Variants in TNFAIP1 observed in about 807,000 individuals in gnomAD.
TNFAIP1 encodes the protein BTB/POZ domain-containing adapter for CUL3-mediated RhoA degradation protein 2.
TNFAIP1 carries 20 observed loss-of-function variants against 32.6 expected under a neutral mutation model. The observed-to-expected ratio is 0.61, with a 90% CI of 0.43 to 0.89. TNFAIP1 has a LOEUF of 0.89. Ranked by LOEUF, TNFAIP1 falls within the 40% of genes least tolerant of loss-of-function variation. TNFAIP1 has a pLI of 0.00. For synonymous variants in TNFAIP1, 166 were observed against 166.8 expected (o/e 1.00, Z 0.04); for missense variants, 319 against 425.1 (o/e 0.75, Z 2.20).
In TNFAIP1 at chr17:28,344,701, T is replaced by TAGCA; in HGVS notation, c.*102_*105dup. ...GCTGCTGCTGCCTGGGTCTCTGCTC[T>TAGCA]AGCACCCAGAGGCATGACAGGCCCT... On this transcript the variant is annotated 3_prime_UTR_variant, in exon 7 of 7. Transcript: ENST00000226225. 8.2e-7 allele frequency: 1 copy of TAGCA among 1,223,150 alleles called. No homozygotes were observed. Among genetic ancestry groups the TAGCA allele is most frequent in the Non-Finnish European group, 1.2e-6 (1 of 856,144 alleles). 75.8% of individuals were successfully genotyped at this position (1,223,150 alleles called of 1,614,324 possible).
At chr17:28,341,510 T>C in intron 5 of TNFAIP1, 54 bp downstream of exon 5, 1 of 1,584,440 alleles carries the variant, frequency 6.3e-7, no homozygotes, top group Non-Finnish European at 8.7e-7. Flanking sequence ...CAAGGAGTAC[T>C]GCCTGTACTC....
chr17:28,337,599 C>T (rs1907222968), intron 1 of TNFAIP1, among the ~76,000 whole-genome samples: 1 of 152,144 alleles, frequency 6.6e-6, no homozygotes, highest in South Asian at 2.1e-4. Flanking sequence ...AACTCCTGGG[C>T]TCAAGCAATC....
intron 2 of TNFAIP1, among the ~76,000 whole-genome samples, 200 bp downstream of exon 2, chr17:28,339,926 C>G (rs951206931): frequency 2.0e-5 from 3 of 152,220 alleles, no homozygotes; most frequent in Non-Finnish European, 4.4e-5. Flanking sequence ...AAGAGCCATA[C>G]TTTTAAAATA....
chr17:28,344,648 G>T lies in TNFAIP1; in HGVS notation c.*48G>T. The T allele has an allele frequency of 6.3e-7, 1 of 1,586,024 alleles. No individual in the cohort carries two copies. Among genetic ancestry groups the T allele is most frequent in the Non-Finnish European group, 8.6e-7 (1 of 1,164,330 alleles). On this transcript the variant is annotated 3_prime_UTR_variant, in exon 7 of 7. Coordinates refer to ENST00000226225, the MANE Select transcript of TNFAIP1 (RefSeq NM_021137.5). ...CACGGGAGGCCCTATCTCCCATCCT[G>T]TGGAACCCGCCCCATTGGCCACCCC...
rs574410315 is a variant in TNFAIP1, at chr17:28,342,024, C to G, written c.519-223C>G. Among the ~76,000 whole-genome samples, 19 of 152,356 alleles carry G rather than the reference C, an allele frequency of 1.2e-4. No homozygotes were observed. The East Asian group carries it at 2.3e-3, about 19-fold the overall frequency. On this transcript the variant is annotated intron_variant, in intron 5 of 6. Coordinates refer to ENST00000226225, the MANE Select transcript of TNFAIP1 (RefSeq NM_021137.5). This position sits in a 1 kb window ranked among gnomAD's most constrained non-coding sequence, Gnocchi z 4.0. ...AGTGAGGGGAGACCTCCTTCCTCAG[C>G]TGTCCCTACTTTGACTTAAAACCAA... is the stretch of plus-strand genomic sequence containing the variant.
At chr17:28,339,022 GGAATTCGAGA>G (rs1907263658) in intron 1 of TNFAIP1, among the ~76,000 whole-genome samples, 1 of 151,050 alleles carries the variant, frequency 6.6e-6, no homozygotes, top group East Asian at 2.0e-4. Context: ...CCTGCGCTCA[GGAATTCGAGA>G]CCAGCCTGGG....
chr17:28,345,705 C>G lies in TNFAIP1; in HGVS notation c.*1105C>G, dbSNP rs1410660105. On this transcript the variant is annotated 3_prime_UTR_variant, in exon 7 of 7. Coordinates refer to ENST00000226225, the MANE Select transcript of TNFAIP1 (RefSeq NM_021137.5). The stretch of plus-strand genomic sequence containing the variant: ...CTTGGCCACACATCTACTCCCTGCC[C>G]ACACCATCTATGCTCTTGGTTGGTG... The G allele has an allele frequency of 1.2e-4, 18 of 152,292 alleles. No individual in the cohort carries two copies. The highest frequency in any genetic ancestry group is 3.4e-4 in the African/African-American group (14 of 41,454). The allele number at this position is 152,292 out of a possible 1,614,324, so 9.4% of individuals were successfully genotyped here.
At position 28,344,754 on chromosome 17, in the gene TNFAIP1, G is replaced by C; in HGVS notation, c.*154G>C. The C allele has an allele frequency of 1.4e-6, 1 of 722,516 alleles. No homozygotes were observed. Among genetic ancestry groups the C allele is most frequent in the Non-Finnish European group, 2.3e-6 (1 of 435,824 alleles). 44.8% of individuals were successfully genotyped at this position (722,516 alleles called of 1,614,324 possible). On this transcript the variant is annotated 3_prime_UTR_variant, in exon 7 of 7. Transcript: ENST00000226225. ...TCAGAGGTCAGAGGGTCTGGGCAGAGGAGGGACCACATTCCCCTGCCTTGC... is the reference window on the plus strand; with the variant it reads ...TCAGAGGTCAGAGGGTCTGGGCAGACGAGGGACCACATTCCCCTGCCTTGC...
rs781893388 is a variant in TNFAIP1 at position 28,340,454 on chromosome 17, G to C, written c.351G>C (p.Val117=). The C allele has an allele frequency of 2.5e-6, 4 of 1,611,672 alleles. No individual in the cohort carries two copies. Among genetic ancestry groups the C allele is most frequent in the Middle Eastern group, 1.6e-4 (1 of 6,076 alleles). ...EAKYYLIQGL[V]NMCQSALQDK... ...AGTATTACCTCATCCAGGGGCTGGT[G>C]AATATGTGCCAGAGTGCCCTGCAGG... The change falls in exon 3 of 7, where the codon GTG becomes GTC. Residue 117 remains valine (V), a synonymous_variant. Coordinates refer to ENST00000226225, the MANE Select transcript of TNFAIP1 (RefSeq NM_021137.5). The surrounding 1 kb of genome is among the most constrained non-coding windows in gnomAD (Gnocchi z 4.1).
At position 28,342,533 on chromosome 17, in the gene TNFAIP1, G is replaced by C; in HGVS notation, c.714+91G>C. 3.1e-6 allele frequency: 4 copies of C among 1,296,988 alleles called. No individual in the cohort carries two copies. The highest frequency in any genetic ancestry group is 4.1e-6 in the Non-Finnish European group (4 of 966,708). 80.3% of individuals were successfully genotyped at this position (1,296,988 alleles called of 1,614,324 possible). On this transcript the variant is annotated intron_variant, in intron 6 of 6. Transcript: ENST00000226225. The surrounding 1 kb of genome is among the most constrained non-coding windows in gnomAD (Gnocchi z 4.0). ...GGCTGTGACCAGCACGGAGCAAAAG[G>C]GGCATGGACTTGGCTCTTTTTTCCA...
chr17:28,340,854 C>T lies in TNFAIP1; in HGVS notation c.375+376C>T, dbSNP rs1907337704. ...CTGCCTCCTGGGTTCAAGTGATTCT[C>T]GTGATTTGGCCTTCAGAGTAGCTGG... On this transcript the variant is annotated intron_variant, in intron 3 of 6. Transcript: ENST00000226225. This position sits in a 1 kb window ranked among gnomAD's most constrained non-coding sequence, Gnocchi z 4.1. Among the ~76,000 whole-genome samples, 1 of 152,174 alleles carries T rather than the reference C, an allele frequency of 6.6e-6. No homozygotes were observed. The highest frequency in any genetic ancestry group is 2.4e-5 in the African/African-American group (1 of 41,438).
Position 28,346,312 on chromosome 17 carries a change from G to A in TNFAIP1, c.*1712G>A, listed in dbSNP as rs185901624. ...AAGATAAAGACAAATCCACTTCTTT[G>A]GCCAAATTCAGGCTTTGGCTTTATG... On this transcript the variant is annotated 3_prime_UTR_variant, in exon 7 of 7. Transcript: ENST00000226225. 2.0e-5 allele frequency: 3 copies of A among 152,254 alleles called. No homozygotes were observed. Among genetic ancestry groups the A allele is most frequent in the Non-Finnish European group, 2.9e-5 (2 of 68,024 alleles). 9.4% of individuals were successfully genotyped at this position (152,254 alleles called of 1,614,324 possible).
In TNFAIP1 at chr17:28,344,542, A is replaced by G. The variant is rs781786993; in HGVS notation, c.893A>G (p.Lys298Arg). 6.2e-7 allele frequency: 1 copy of G among 1,613,836 alleles called. No individual in the cohort carries two copies. The highest frequency in any genetic ancestry group is 1.1e-5 in the South Asian group (1 of 91,082). Residue 298 changes from lysine (K) to arginine (R), a missense_variant, in exon 7 of 7, where the codon AAG becomes AGG. Transcript: ENST00000226225. ...LRDRVRRIHV[K>R]RYSTYDDRQL... is the part of the protein sequence containing the mutation. ...GACCGTGTCCGCCGCATCCACGTCA[A>G]GCGCTACAGCACTTACGATGACCGG...
In TNFAIP1 at chr17:28,346,733, T is replaced by C. The variant is rs1907583194; in HGVS notation, c.*2133T>C. On this transcript the variant is annotated 3_prime_UTR_variant, in exon 7 of 7. Coordinates refer to ENST00000226225, the MANE Select transcript of TNFAIP1 (RefSeq NM_021137.5). The stretch of plus-strand genomic sequence containing the variant: ...AGAAAGCAACTCTTGGCTGTGTGCA[T>C]TTTTCAACTCCAAGCAGCCCAGGGG... 6.6e-6 allele frequency: 1 copy of C among 152,220 alleles called. No individual in the cohort carries two copies. Among genetic ancestry groups the C allele is most frequent in the Non-Finnish European group, 1.5e-5 (1 of 68,032 alleles). 9.4% of individuals were successfully genotyped at this position (152,220 alleles called of 1,614,324 possible).
intron 1 of TNFAIP1, among the ~76,000 whole-genome samples, chr17:28,338,254 T>C (rs1374758903): frequency 6.6e-6 from 1 of 152,210 alleles, no homozygotes; most frequent in Non-Finnish European, 1.5e-5. Context: ...TACAGGCAGG[T>C]GGCAGCACAC....
chr17:28,341,264 T>G lies in TNFAIP1; in HGVS notation c.403T>G (p.Cys135Gly), dbSNP rs782207773. 6.2e-7 allele frequency: 1 copy of G among 1,614,064 alleles called. No individual in the cohort carries two copies. Among genetic ancestry groups the G allele is most frequent in the Non-Finnish European group, 8.5e-7 (1 of 1,180,038 alleles). Reference sequence around the variant, plus strand: ...CAAGAAGGACTCCTACCAGCCTGTGTGCAACATCCCCATCATCACATCCCT... The same window carrying G: ...CAAGAAGGACTCCTACCAGCCTGTGGGCAACATCCCCATCATCACATCCCT... Reference protein sequence around the residue: ...QDKKDSYQPVCNIPIITSLKE... With the variant: ...QDKKDSYQPVGNIPIITSLKE... The change falls in exon 4 of 7, where the codon TGC (cysteine) becomes GGC (glycine). Residue 135 changes from cysteine to glycine, a missense_variant. By Grantham distance (159) the Cys-to-Gly change is radical. Coordinates refer to ENST00000226225, the MANE Select transcript of TNFAIP1 (RefSeq NM_021137.5).
rs1463898629 is a variant in TNFAIP1, at chr17:28,344,726, T to C, written c.*126T>C. ...TAGCACCCAGAGGCATGACAGGCCC[T>C]GCTCAGAGGTCAGAGGGTCTGGGCA... is the stretch of plus-strand genomic sequence containing the variant. On this transcript the variant is annotated 3_prime_UTR_variant, in exon 7 of 7. Coordinates refer to ENST00000226225, the MANE Select transcript of TNFAIP1 (RefSeq NM_021137.5). 1.1e-6 allele frequency: 1 copy of C among 950,834 alleles called. No homozygotes were observed. The highest frequency in any genetic ancestry group is 1.6e-6 in the Non-Finnish European group (1 of 625,366). 58.9% of individuals were successfully genotyped at this position (950,834 alleles called of 1,614,324 possible). A position where few individuals can be genotyped will look rare whatever the true frequency, so the allele number is the denominator to read the frequency against.
chr17:28,344,667 C>G lies in TNFAIP1; in HGVS notation c.*67C>G. On this transcript the variant is annotated 3_prime_UTR_variant, in exon 7 of 7. Transcript: ENST00000226225. ...CATCCTGTGGAACCCGCCCCATTGGCCACCCCATGCTGCTGCTGCCTGGGT... is the reference window on the plus strand; with the variant it reads ...CATCCTGTGGAACCCGCCCCATTGGGCACCCCATGCTGCTGCTGCCTGGGT... 6.7e-7 allele frequency: 1 copy of G among 1,494,250 alleles called. No individual in the cohort carries two copies. The highest frequency in any genetic ancestry group is 9.2e-7 in the Non-Finnish European group (1 of 1,086,738). 92.6% of individuals were successfully genotyped at this position (1,494,250 alleles called of 1,614,324 possible).
In TNFAIP1 at chr17:28,344,703, G is replaced by A. The variant is rs1555578677; in HGVS notation, c.*103G>A. Reference sequence around the variant, plus strand: ...TGCTGCTGCCTGGGTCTCTGCTCTAGCACCCAGAGGCATGACAGGCCCTGC... The same window carrying A: ...TGCTGCTGCCTGGGTCTCTGCTCTAACACCCAGAGGCATGACAGGCCCTGC... On this transcript the variant is annotated 3_prime_UTR_variant, in exon 7 of 7. Coordinates refer to ENST00000226225, the MANE Select transcript of TNFAIP1 (RefSeq NM_021137.5). 6.0e-6 allele frequency: 7 copies of A among 1,159,328 alleles called. No individual in the cohort carries two copies. Among genetic ancestry groups the A allele is most frequent in the Non-Finnish European group, 8.7e-6 (7 of 801,138 alleles). 71.8% of individuals were successfully genotyped at this position (1,159,328 alleles called of 1,614,324 possible).
Sources: gnomAD v4.1 joint callset for allele counts (sites outside exome capture counted in the v4.1 genomes callset) on GRCh38, gnomAD v4.1.1 for gene constraint, Gnocchi (gnomAD v3.1) non-coding constraint, MANE v1.5 for transcripts, NCBI Gene and HGNC (gene_info 2026-07-23, HGNC 2026-07-21) for gene names.